SPG11: variants seen among roughly 807,000 people sequenced by gnomAD.
SPG11 encodes spatacsin.
Under a neutral mutation model 274.0 loss-of-function variants are expected in SPG11, and 222 were observed. The ratio of observed to expected loss-of-function variants is 0.81; its 90% CI spans 0.73 to 0.91. The LOEUF is 0.91. Among genes scored for constraint, SPG11 ranks in the 40% least tolerant of loss-of-function variants. SPG11 has a pLI of 0.00. For missense variants in SPG11, 3,114 were observed against 2,872.7 expected (o/e 1.08, Z -1.92); for synonymous variants, 1,144 against 1,039.7 (o/e 1.10, Z -1.93).
At position 44,572,749 on chromosome 15, in the gene SPG11, G is replaced by A. The variant is rs772336846; in HGVS notation, c.6277C>T (p.Arg2093Cys). The change falls in exon 33 of 40, where the codon CGC becomes TGC. Residue 2093 changes from arginine to cysteine, a missense_variant. By Grantham distance (180) the Arg-to-Cys change is radical. Transcript: ENST00000261866. The stretch of plus-strand genomic sequence containing the variant: ...AACAACTTCATGCCTACCAATGTGC[G>A]GTCTTGACACAGAGTGGTCAGCTGA... Reference protein sequence around the residue: ...FLQLTTLCQDRTLVGMKLLDK... With the variant: ...FLQLTTLCQDCTLVGMKLLDK... 1.3e-5 allele frequency: 21 copies of A among 1,613,874 alleles called. No individual in the cohort carries two copies. The highest frequency in any genetic ancestry group is 5.5e-5 in the South Asian group (5 of 91,070).
chr15:44,596,131 T>C lies in SPG11; in HGVS notation c.4386A>G (p.Ala1462=), dbSNP rs1265186707. 6.2e-7 allele frequency: 1 copy of C among 1,614,102 alleles called. No homozygotes were observed. Among genetic ancestry groups the C allele is most frequent in the East Asian group, 2.2e-5 (1 of 44,884 alleles). Residue 1462 remains alanine, a synonymous_variant, in exon 25 of 40, where the codon GCA becomes GCG. Coordinates refer to ENST00000261866, the MANE Select transcript of SPG11 (RefSeq NM_025137.4). ...TGAGGATAGGGGCCTGTTGTTTCAC[T>C]GCTTCAACCAGAAGCCAGTGCCAGG... is the stretch of plus-strand genomic sequence containing the variant. ...PDSWHWLLVE[A]VKQQAPILSV... is the part of the protein sequence containing the mutation.
Position 44,596,125 on chromosome 15 carries a change from T to A in SPG11, c.4392A>T (p.Lys1464Asn), listed in dbSNP as rs1204867173. Residue 1464 changes from lysine to asparagine, a missense_variant, in exon 25 of 40, where the codon AAA (lysine) becomes AAT (asparagine). By Grantham distance (94) the Lys-to-Asn change is moderately conservative. Transcript: ENST00000261866. ...SWHWLLVEAVKQQAPILSVLA... is the reference protein window; with the variant it reads ...SWHWLLVEAVNQQAPILSVLA... ...GAACACTGAGGATAGGGGCCTGTTGTTTCACTGCTTCAACCAGAAGCCAGT... is the reference window on the plus strand; with the variant it reads ...GAACACTGAGGATAGGGGCCTGTTGATTCACTGCTTCAACCAGAAGCCAGT... 1 of 1,613,876 alleles carries A rather than the reference T, an allele frequency of 6.2e-7. No individual in the cohort carries two copies. Among genetic ancestry groups the A allele is most frequent in the East Asian group, 2.2e-5 (1 of 44,900 alleles).
chr15:44,569,637 T>C, intron 34 of SPG11, 132 bp from the exon 35 acceptor site: 1 of 732,334 alleles, frequency 1.4e-6, no homozygotes, highest in East Asian at 2.7e-5. Context: ...CAGGCTACCA[T>C]GCTTAGCTCC....
Position 44,569,464 on chromosome 15 carries a change from T to C in SPG11, c.6519A>G (p.Thr2173=), listed in dbSNP as rs1461348027. 1.9e-6 allele frequency: 3 copies of C among 1,604,228 alleles called. No homozygotes were observed. In the South Asian group the frequency reaches 3.4e-5, roughly 18 times the overall value. ...TTTTATGCAGCAAATCAAATATGTA[T>C]GTCATCTCGTTGTACCTTCCAATGC... is the stretch of plus-strand genomic sequence containing the variant. The part of the protein sequence containing the change: ...LTGIGRYNEM[T]YIFDLLHKKH... Residue 2173 remains threonine (T), a synonymous_variant, in exon 35 of 40, where the codon ACA becomes ACG. Transcript: ENST00000261866.
At position 44,626,239 on chromosome 15, in the gene SPG11, G is replaced by A; in HGVS notation, c.2244+92C>T. 3 of 1,103,974 alleles carry A rather than the reference G, an allele frequency of 2.7e-6. No individual in the cohort carries two copies. The East Asian group carries it at 7.9e-5, about 29-fold the overall frequency. 68.4% of individuals were successfully genotyped at this position (1,103,974 alleles called of 1,614,324 possible). On this transcript the variant is annotated intron_variant, in intron 11 of 39. Coordinates refer to ENST00000261866, the MANE Select transcript of SPG11 (RefSeq NM_025137.4). ...CATTATTTACTACATAAATTTCTTA[G>A]TTTATGAAATAATTATGAATACAAA...
rs1323346383 is a variant in SPG11 at position 44,626,389 on chromosome 15, ACCAAATTTAGGCCTATG to A, written c.2169_2185del (p.Ile724LeufsTer2). On this transcript the variant is annotated frameshift_variant, in exon 11 of 40. Coordinates refer to ENST00000261866, the MANE Select transcript of SPG11 (RefSeq NM_025137.4). LOFTEE classifies it high-confidence loss of function. ...ATTGTTCTTTTTTAAATTGTCAAAG[ACCAAATTTAGGCCTATG>A]CCAATAAGCTCCTCAAGTTTTTGAG... 1 of 1,613,594 alleles carries A rather than the reference ACCAAATTTAGGCCTATG, an allele frequency of 6.2e-7. No homozygotes were observed. The highest frequency in any genetic ancestry group is 8.5e-7 in the Non-Finnish European group (1 of 1,179,912).
chr15:44,567,112 G>A (rs2082325337), intron 36 of SPG11, among the ~76,000 whole-genome samples: 1 of 152,004 alleles, frequency 6.6e-6, no homozygotes, highest in Non-Finnish European at 1.5e-5. Flanking sequence ...AGCACTTTGG[G>A]AGGCCAACGT....
At position 44,622,234 on chromosome 15, in the gene SPG11, GATTTGCAT is replaced by G. The variant is rs2083773878; in HGVS notation, c.2422_2429del (p.Met808ProfsTer27). 1 of 1,612,268 alleles carries G rather than the reference GATTTGCAT, an allele frequency of 6.2e-7. No homozygotes were observed. The highest frequency in any genetic ancestry group is 1.3e-5 in the African/African-American group (1 of 74,862). ...AATGAGACTACCTGGGAAATGACTG[GATTTGCAT>G]ATTTTCTTGGAAATGTCCCAAATAA... On this transcript the variant is annotated frameshift_variant, in exon 13 of 40. Transcript: ENST00000261866. LOFTEE classifies it high-confidence loss of function.
chr15:44,585,274 G>C (rs748208889), intron 29 of SPG11, among the ~76,000 whole-genome samples: 2 of 151,848 alleles, frequency 1.3e-5, no homozygotes, highest in African/African-American at 2.4e-5. Flanking sequence ...GATTTTAAAA[G>C]CTAAGATTTT....
chr15:44,615,346 G>A lies in SPG11; in HGVS notation c.3038+17C>T. 6.2e-7 allele frequency: 1 copy of A among 1,610,844 alleles called. No homozygotes were observed. The highest frequency in any genetic ancestry group is 8.5e-7 in the Non-Finnish European group (1 of 1,178,116). ...TGTGAAGACCTGCTCAAGGACAAAT[G>A]CATTCTCAGTACTCACTTGTAACAG... On this transcript the variant is annotated intron_variant, in intron 16 of 39. Transcript: ENST00000261866.
At chr15:44,618,633 T>C (rs2083656686) in intron 15 of SPG11, among the ~76,000 whole-genome samples, 3 of 149,798 alleles carry the variant, frequency 2.0e-5, no homozygotes, top group Non-Finnish European at 3.0e-5. Flanking sequence ...CTGGCTAACA[T>C]GGTGAAACCC....
In SPG11 at chr15:44,592,341, C is replaced by T. The variant is rs2082922319; in HGVS notation, c.4733G>A (p.Ser1578Asn). 6.3e-7 allele frequency: 1 copy of T among 1,595,948 alleles called. No homozygotes were observed. Among genetic ancestry groups the T allele is most frequent in the African/African-American group, 1.3e-5 (1 of 74,538 alleles). The part of the protein sequence containing the change: ...AEAKLLEFQK[S>N]LETLNTAATK... ...ATAATTCCAACTTACCGTTTCAAGG[C>T]TCTTCTGAAACTCCAGAAGTTTAGC... The change falls in exon 27 of 40, where the codon AGC becomes AAC. Residue 1578 changes from serine (S) to asparagine (N), a missense_variant. Ser to Asn is a conservative substitution (Grantham distance 46). Coordinates refer to ENST00000261866, the MANE Select transcript of SPG11 (RefSeq NM_025137.4).
At chr15:44,565,314 G>A (rs1361750569) in intron 38 of SPG11, among the ~76,000 whole-genome samples, 1 of 152,220 alleles carries the variant, frequency 6.6e-6, no homozygotes, top group African/African-American at 2.4e-5. Context: ...ATCAGTGACA[G>A]GTTCCCTGGA....
At chr15:44,636,933 A>AAAAAAC (rs2084280678) in intron 7 of SPG11, among the ~76,000 whole-genome samples, 9 of 120,856 alleles carry the variant, frequency 7.4e-5, no homozygotes, top group South Asian at 2.8e-4. Flanking sequence ...CTCAAAAAAA[A>AAAAAAC]AAAAAAAAAA....
At chr15:44,643,699 A>C (rs2084523318) in intron 7 of SPG11, among the ~76,000 whole-genome samples, 1 of 152,148 alleles carries the variant, frequency 6.6e-6, no homozygotes, top group Non-Finnish European at 1.5e-5. Context: ...CATAAGACTA[A>C]AACACTTTTG....
In SPG11 at chr15:44,575,010, T is replaced by G. The variant is rs1464906163; in HGVS notation, c.5898A>C (p.Thr1966=). The change falls in exon 31 of 40, where the codon ACA becomes ACC. Residue 1966 remains threonine, a synonymous_variant. Transcript: ENST00000261866. The part of the protein sequence containing the change: ...TSSLDSQKFV[T]VPSSNEVVTN... The stretch of plus-strand genomic sequence containing the variant: ...TTACCACTTCATTACTGGAGGGCAC[T>G]GTCACAAACTTCTGACTATCCAGAC... 6.8e-6 allele frequency: 11 copies of G among 1,614,098 alleles called. No homozygotes were observed. The East Asian group carries it at 2.5e-4, about 36-fold the overall frequency.
In SPG11 at chr15:44,572,796, G is replaced by A; in HGVS notation, c.6230C>T (p.Thr2077Ile). Residue 2077 changes from threonine to isoleucine, a missense_variant, in exon 33 of 40, where the codon ACA (threonine) becomes ATA (isoleucine). Coordinates refer to ENST00000261866, the MANE Select transcript of SPG11 (RefSeq NM_025137.4). ...CTGAAGAAATGTCTGGCTTTCCTCT[G>A]TTGGGTTGAACATCTGCTTATGTCC... Reference protein sequence around the residue: ...GTGHKQMFNPTEESQTFLQLT... With the variant: ...GTGHKQMFNPIEESQTFLQLT... The A allele has an allele frequency of 6.2e-7, 1 of 1,614,030 alleles. No individual in the cohort carries two copies. Among genetic ancestry groups the A allele is most frequent in the Non-Finnish European group, 8.5e-7 (1 of 1,179,986 alleles).
At chr15:44,663,002 A>G (rs138269528) in intron 1 of SPG11, among the ~76,000 whole-genome samples, 24 of 152,238 alleles carry the variant, frequency 1.6e-4, no homozygotes, top group African/African-American at 3.1e-4. Flanking sequence ...ATTAGAGATG[A>G]TCCTCAGCTG....
chr15:44,595,780 C>T (rs985880443), intron 25 of SPG11, among the ~76,000 whole-genome samples: 4 of 152,196 alleles, frequency 2.6e-5, no homozygotes, highest in African/African-American at 9.6e-5. Flanking sequence ...TCCCTCTTCC[C>T]TGCTAAAGAG....
Sources: gnomAD v4.1 joint callset for allele counts (sites outside exome capture counted in the v4.1 genomes callset) on GRCh38, gnomAD v4.1.1 for gene constraint, MANE v1.5 for transcripts, NCBI Gene and HGNC (gene_info 2026-07-23, HGNC 2026-07-21) for gene names.